Variants in CHFR observed in about 807,000 individuals in gnomAD.
CHFR encodes the protein checkpoint with forkhead and ring finger domains.
Under a neutral mutation model 87.6 loss-of-function variants are expected in CHFR, and 57 were observed. The observed-to-expected ratio is 0.65, with a 90% CI of 0.53 to 0.81. CHFR has a LOEUF of 0.81. Ranked by LOEUF, CHFR falls within the 30% of genes least tolerant of loss-of-function variation. CHFR has a pLI of 0.00. For synonymous variants in CHFR, 381 were observed against 359.2 expected, an observed-to-expected ratio of 1.06 and a Z score of -0.69; for missense variants, 797 against 865.8, an observed-to-expected ratio of 0.92 and a Z score of 1.00.
intron 2 of CHFR, chr12:132,883,077 G>A (rs538986821): frequency 6.6e-6 from 1 of 152,144 alleles, no homozygotes; most frequent in East Asian, 1.9e-4. Flanking sequence ...TGCGCTTGAC[G>A]CTTGGTGGGT....
In CHFR at chr12:132,843,055, G is replaced by A. The variant is rs768078789; in HGVS notation, c.1872C>T (p.Tyr624=). Residue 624 remains tyrosine, a synonymous_variant, in exon 17 of 18, where the codon TAC becomes TAT. Coordinates refer to ENST00000450056, the MANE Select transcript of CHFR (RefSeq NM_001161346.2). ...CCTGAGTGCGGCAGTTACGGCCCCAGTAGCAGTCAGGACGGGATGTTACGG... is the reference window on the plus strand; with the variant it reads ...CCTGAGTGCGGCAGTTACGGCCCCAATAGCAGTCAGGACGGGATGTTACGG... ...PVAVTSRPDC[Y]WGRNCRTQVK... is the part of the protein sequence containing the mutation. 4.8e-5 allele frequency: 78 copies of A among 1,613,428 alleles called. No individual in the cohort carries two copies. Among genetic ancestry groups the A allele is most frequent in the Non-Finnish European group, 6.2e-5 (73 of 1,179,832 alleles).
At chr12:132,846,240 C>A (rs1950818366) in intron 15 of CHFR, among the ~76,000 whole-genome samples, 1 of 150,068 alleles carries the variant, frequency 6.7e-6, no homozygotes, top group Non-Finnish European at 1.5e-5. Context: ...TGGAATATGT[C>A]ATACAGGTTC....
At chr12:132,877,743 A>C in intron 2 of CHFR, 89 bp from the exon 3 acceptor site, 1 of 715,222 alleles carries the variant, frequency 1.4e-6, no homozygotes, top group African/African-American at 1.8e-5. Flanking sequence ...TGTGGTTCCA[A>C]CTCAGGATCC....
At chr12:132,883,632 C>G (rs1165416560) in intron 2 of CHFR, among the ~76,000 whole-genome samples, 8 of 151,028 alleles carry the variant, frequency 5.3e-5, no homozygotes, top group Non-Finnish European at 1.2e-4. Context: ...GAGGTTGAGG[C>G]AGGAGAATGG....
intron 2 of CHFR, 64 bp downstream of exon 2, chr12:132,887,132 G>A (rs1446223545): frequency 4.4e-6 from 6 of 1,364,656 alleles, no homozygotes; most frequent in Non-Finnish European, 5.7e-6. Context: ...CCGCCCGTGT[G>A]GCCTGCCCGC....
In CHFR at chr12:132,880,781, A is replaced by G. The variant is rs541641258; in HGVS notation, c.134-3127T>C. On this transcript the variant is annotated intron_variant, in intron 2 of 17. Coordinates refer to ENST00000450056, the MANE Select transcript of CHFR (RefSeq NM_001161346.2). ...GGAGTTCAAGACCAGCCTGACCAAC[A>G]TGGTGAAACCCAGTCTCTACTAAAA... Among the ~76,000 whole-genome samples, 7 of 151,812 alleles carry G rather than the reference A, an allele frequency of 4.6e-5. No individual in the cohort carries two copies. In the South Asian group the frequency reaches 1.5e-3, roughly 32 times the overall value.
At chr12:132,862,735 A>G (rs975166846) in intron 6 of CHFR, among the ~76,000 whole-genome samples, 1 of 151,512 alleles carries the variant, frequency 6.6e-6, no homozygotes, top group African/African-American at 2.4e-5. Context: ...ACCCGCCACC[A>G]TACCCAGCTA....
intron 16 of CHFR, 88 bp from the exon 17 acceptor site, chr12:132,843,171 A>G: frequency 8.3e-7 from 1 of 1,206,310 alleles, no homozygotes; most frequent in Non-Finnish European, 1.2e-6. Flanking sequence ...CCAACGACAG[A>G]CGCTGCGGTG....
At chr12:132,880,061 A>G (rs1463255992) in intron 2 of CHFR, among the ~76,000 whole-genome samples, 1 of 152,208 alleles carries the variant, frequency 6.6e-6, no homozygotes, top group Non-Finnish European at 1.5e-5. Flanking sequence ...AGACACTGAC[A>G]AGCTGATTCT....
chr12:132,870,306 C>T (rs1248273826), intron 5 of CHFR, among the ~76,000 whole-genome samples: 2 of 151,704 alleles, frequency 1.3e-5, no homozygotes, highest in Non-Finnish European at 2.9e-5. Context: ...GAGCCGAGAT[C>T]GCGCCACTGC....
At chr12:132,842,067 CCTCTATA>C (rs67221706) in intron 17 of CHFR, among the ~76,000 whole-genome samples, 39,183 of 147,994 alleles carry the variant, frequency 0.26, 5,459 homozygotes, top group Middle Eastern at 0.42. Context: ...TGAGATCACA[CCTCTATA>C]CTCCAGCCTG....
intron 3 of CHFR, among the ~76,000 whole-genome samples, chr12:132,872,688 G>A (rs369762153): frequency 7.9e-5 from 12 of 152,224 alleles, no homozygotes; most frequent in South Asian, 6.2e-4. Context: ...TAGTGGACCC[G>A]GAGGCCTCGT....
At chr12:132,886,250 C>T (rs1951890775) in intron 2 of CHFR, among the ~76,000 whole-genome samples, 1 of 151,834 alleles carries the variant, frequency 6.6e-6, no homozygotes, top group Admixed American at 6.6e-5. Context: ...GCAGAGGGTG[C>T]AGTGAGCTGA....
intron 2 of CHFR, among the ~76,000 whole-genome samples, chr12:132,885,637 A>G (rs1349867021): frequency 6.6e-6 from 1 of 152,166 alleles, no homozygotes; most frequent in African/African-American, 2.4e-5. Flanking sequence ...ATGTCCTACC[A>G]TGTAATAACA....
intron 16 of CHFR, among the ~76,000 whole-genome samples, chr12:132,843,751 C>A (rs908193925): frequency 6.6e-6 from 1 of 151,988 alleles, no homozygotes; most frequent in African/African-American, 2.4e-5. Flanking sequence ...GAGTTCGAGA[C>A]CAGCCTGGCC....
At chr12:132,852,074 C>A (rs1022413889) in intron 11 of CHFR, among the ~76,000 whole-genome samples, 2 of 151,912 alleles carry the variant, frequency 1.3e-5, no homozygotes, top group African/African-American at 4.8e-5. Flanking sequence ...AGCTCCGCCT[C>A]CCGGGTTCAC....
chr12:132,851,820 G>C (rs1950953329), intron 11 of CHFR, 83 bp from the exon 12 acceptor site: 2 of 1,489,588 alleles, frequency 1.3e-6, no homozygotes, highest in Admixed American at 1.9e-5. Flanking sequence ...GGGAAGCACA[G>C]CGAGGAGAGG....
intron 6 of CHFR, among the ~76,000 whole-genome samples, chr12:132,863,805 C>CTA (rs1280976336): frequency 3.9e-5 from 6 of 152,164 alleles, no homozygotes; most frequent in Non-Finnish European, 8.8e-5. Context: ...TTCACCCAGG[C>CTA]TGGAATGCAG....
intron 6 of CHFR, chr12:132,866,771 G>A (rs1951354968): frequency 6.6e-6 from 1 of 152,290 alleles, no homozygotes; most frequent in Non-Finnish European, 1.5e-5. Context: ...ACATCTGGAT[G>A]TTACTCTTCA....
Sources: allele counts gnomAD v4.1 joint callset (sites outside exome capture counted in the v4.1 genomes callset), GRCh38; gene constraint gnomAD v4.1.1; transcripts MANE v1.5; gene names NCBI Gene and HGNC (gene_info 2026-07-23, HGNC 2026-07-21).